Variants in LCLAT1 observed in about 807,000 individuals in gnomAD.
LCLAT1 encodes the protein 1-AGP acyltransferase 8.
LCLAT1 carries 11 observed loss-of-function variants against 30.7 expected under a neutral mutation model. The ratio of observed to expected loss-of-function variants is 0.36; its 90% CI spans 0.23 to 0.59. The LOEUF (loss-of-function observed/expected upper bound fraction) is 0.59. Ranked by LOEUF, LCLAT1 falls within the 20% of genes least tolerant of loss-of-function variation. The pLI is 0.77. For missense variants in LCLAT1, 402 were observed against 458.6 expected (o/e 0.88, Z 1.13); for synonymous variants, 155 against 151.3 (o/e 1.02, Z -0.18).
chr2:30,462,010 G>T lies in LCLAT1; in HGVS notation c.-5+14627G>T, dbSNP rs190427801. 6.6e-3 allele frequency among the ~76,000 whole-genome samples: 1,004 copies of T among 151,824 alleles called. 10 individuals are homozygous for T. Among genetic ancestry groups the T allele is most frequent in the African/African-American group, 0.023 (953 of 41,408 alleles). On this transcript the variant is annotated intron_variant, in intron 1 of 5. Transcript: ENST00000379509. ...GATGGTCTCGATCTCCTGACCTCGT[G>T]ATCCGCCCGCCTCGGCCTCCCAAAG...
rs189615814 is a variant in LCLAT1, at chr2:30,488,837, T to C, written c.-4-36750T>C. On this transcript the variant is annotated intron_variant, in intron 1 of 5. Transcript: ENST00000379509. ...TCCTCAATGTCTGTTTCCAATATCATTACTATATTTCCATAAGGAATTAAC... is the reference window on the plus strand; with the variant it reads ...TCCTCAATGTCTGTTTCCAATATCACTACTATATTTCCATAAGGAATTAAC... 2.0e-5 allele frequency among the ~76,000 whole-genome samples: 3 copies of C among 152,304 alleles called. No homozygotes were observed. In the East Asian group the frequency reaches 5.8e-4, roughly 29 times the overall value.
intron 5 of LCLAT1, among the ~76,000 whole-genome samples, chr2:30,610,112 C>G (rs1020753224): frequency 6.6e-6 from 1 of 152,060 alleles, no homozygotes; most frequent in Non-Finnish European, 1.5e-5. Flanking sequence ...AATAACTAGA[C>G]TTTGTCACAT....
chr2:30,506,510 A>G (rs1684668433), intron 1 of LCLAT1, among the ~76,000 whole-genome samples: 1 of 152,118 alleles, frequency 6.6e-6, no homozygotes, highest in African/African-American at 2.4e-5. Flanking sequence ...TTTTATAATA[A>G]AAGACACGTG....
chr2:30,615,228 C>T (rs1667939263), intron 5 of LCLAT1, among the ~76,000 whole-genome samples: 1 of 151,944 alleles, frequency 6.6e-6, no homozygotes, highest in Non-Finnish European at 1.5e-5. Context: ...TAGGCAAGAG[C>T]AGGTGAGATA....
In LCLAT1 at chr2:30,520,025, G is replaced by A. The variant is rs116472583; in HGVS notation, c.-4-5562G>A. 9.1e-3 allele frequency among the ~76,000 whole-genome samples: 1,382 copies of A among 152,270 alleles called. 18 individuals carry two copies. The highest frequency in any genetic ancestry group is 0.031 in the African/African-American group (1,281 of 41,540). On this transcript the variant is annotated intron_variant, in intron 1 of 5. Coordinates refer to ENST00000379509, the MANE Select transcript of LCLAT1 (RefSeq NM_001002257.3). ...TAGAGGCTCGCCATTGTTTCTGTGC[G>A]GCTAAGTGCGCGGGTTTGTCCTACT...
In LCLAT1 at chr2:30,462,063, C is replaced by T. The variant is rs567835679; in HGVS notation, c.-5+14680C>T. Among the ~76,000 whole-genome samples the T allele has an allele frequency of 1.1e-3, 166 of 152,242 alleles. 3 individuals carry two copies. Among genetic ancestry groups the T allele is most frequent in the Non-Finnish European group, 3.7e-4 (25 of 67,996 alleles). On this transcript the variant is annotated intron_variant, in intron 1 of 5. Coordinates refer to ENST00000379509, the MANE Select transcript of LCLAT1 (RefSeq NM_001002257.3). The stretch of plus-strand genomic sequence containing the variant: ...CTGGGATTACAGGCGTGAGCCACCG[C>T]GCCCGGCCTAAATTAAACTTTTATC...
chr2:30,499,907 G>A (rs1684290462), intron 1 of LCLAT1, among the ~76,000 whole-genome samples: 1 of 152,106 alleles, frequency 6.6e-6, no homozygotes, highest in African/African-American at 2.4e-5. Flanking sequence ...GATAAATAGA[G>A]TTCTATGGTC....
chr2:30,541,973 G>A (rs1664162560), intron 3 of LCLAT1, among the ~76,000 whole-genome samples: 1 of 152,154 alleles, frequency 6.6e-6, no homozygotes, highest in Non-Finnish European at 1.5e-5. Context: ...TAAGACTAGG[G>A]ATTTTGATCC....
intron 1 of LCLAT1, among the ~76,000 whole-genome samples, chr2:30,524,478 AC>A (rs1685615537): frequency 1.3e-5 from 2 of 152,224 alleles, no homozygotes; most frequent in African/African-American, 4.8e-5. Flanking sequence ...GGTTTGAGTT[AC>A]CCACAGTCAA....
chr2:30,481,758 C>T (rs756502004), intron 1 of LCLAT1, among the ~76,000 whole-genome samples: 10 of 151,990 alleles, frequency 6.6e-5, no homozygotes, highest in Admixed American at 2.0e-4. Context: ...AAGCAGAGAC[C>T]GTGTATGTAG....
intron 1 of LCLAT1, among the ~76,000 whole-genome samples, chr2:30,494,698 G>A (rs1354633053): frequency 3.3e-5 from 5 of 151,142 alleles, no homozygotes; most frequent in Non-Finnish European, 1.5e-5. Context: ...AACGTCTGCA[G>A]TAGCTTTGGA....
intron 3 of LCLAT1, among the ~76,000 whole-genome samples, chr2:30,543,967 G>C (rs1664274000): frequency 6.6e-6 from 1 of 151,338 alleles, no homozygotes; most frequent in Non-Finnish European, 1.5e-5. Context: ...AAATTTTTTA[G>C]TTTCTTAACA....
intron 5 of LCLAT1, among the ~76,000 whole-genome samples, chr2:30,595,333 G>A (rs1019221365): frequency 6.6e-6 from 1 of 152,028 alleles, no homozygotes. Flanking sequence ...GGACCCAGAC[G>A]TTTTCTTCTC....
At chr2:30,623,581 A>G (rs938846723) in intron 5 of LCLAT1, among the ~76,000 whole-genome samples, 4 of 152,122 alleles carry the variant, frequency 2.6e-5, no homozygotes, top group African/African-American at 7.2e-5. Context: ...AATGGGGGAA[A>G]AAAAAAACAA....
intron 5 of LCLAT1, chr2:30,607,259 A>G (rs1667491634): frequency 6.6e-6 from 1 of 152,082 alleles, no homozygotes; most frequent in African/African-American, 2.4e-5. Flanking sequence ...GATGGTCTCG[A>G]TCTCCTGACC....
chr2:30,545,277 T>G (rs1664347744), intron 3 of LCLAT1, among the ~76,000 whole-genome samples: 1 of 152,128 alleles, frequency 6.6e-6, no homozygotes, highest in Non-Finnish European at 1.5e-5. Flanking sequence ...TATATACTGT[T>G]TGAGACTATA....
intron 5 of LCLAT1, among the ~76,000 whole-genome samples, chr2:30,580,721 C>T (rs1328643527): frequency 6.6e-6 from 1 of 151,996 alleles, no homozygotes; most frequent in Non-Finnish European, 1.5e-5. Context: ...AGGATAGGAG[C>T]AGAAATCAGG....
rs769494366 is a variant in LCLAT1 at position 30,640,572 on chromosome 2, C to T, written c.1084C>T (p.Arg362Ter). ...GGAGATCATAGAACTTGCATGTTAC[C>T]GACTTTTACACAAACAGCCACATTT... ...GLEIIELACY[R>*]LLHKQPHLNS... Residue 362 changes from arginine (R) to a stop codon, truncating the protein, a stop_gained, in exon 6 of 6, where the codon CGA becomes TGA. Transcript: ENST00000379509. LOFTEE classifies it high-confidence loss of function. The T allele has an allele frequency of 4.0e-5, 65 of 1,612,226 alleles. No homozygotes were observed. Among genetic ancestry groups the T allele is most frequent in the Non-Finnish European group, 5.3e-5 (62 of 1,179,352 alleles).
chr2:30,555,025 GA>G (rs1297716474), intron 3 of LCLAT1, among the ~76,000 whole-genome samples: 1 of 152,018 alleles, frequency 6.6e-6, no homozygotes, highest in Non-Finnish European at 1.5e-5. Flanking sequence ...CAGAATTAAT[GA>G]AAAAAGTTCC....
Sources: allele counts gnomAD v4.1 joint callset (sites outside exome capture counted in the v4.1 genomes callset), GRCh38; gene constraint gnomAD v4.1.1; transcripts MANE v1.5; gene names NCBI Gene and HGNC (gene_info 2026-07-23, HGNC 2026-07-21).